NPC1L1: variants seen among roughly 807,000 people sequenced by gnomAD.
The protein encoded by NPC1L1 is NPC1 like intracellular cholesterol transporter 1.
NPC1L1 carries 98 observed loss-of-function variants against 117.0 expected under a neutral mutation model. The ratio of observed to expected loss-of-function variants is 0.84; its 90% CI spans 0.71 to 0.99. The LOEUF (loss-of-function observed/expected upper bound fraction) is 0.99, where lower values mean the gene tolerates loss of function less well. Ranked by LOEUF, NPC1L1 falls within the 50% of genes least tolerant of loss-of-function variation. The pLI is 0.00. For missense variants in NPC1L1, 1,540 were observed against 1,710.0 expected (o/e 0.90, Z 1.75); for synonymous variants, 729 against 727.6 (o/e 1.00, Z -0.03).
At chr7:44,517,590 G>A (rs1345460318) in intron 14 of NPC1L1, among the ~76,000 whole-genome samples, 3 of 152,188 alleles carry the variant, frequency 2.0e-5, no homozygotes, top group Non-Finnish European at 1.5e-5. Context: ...ACCCAGGCCT[G>A]ACCTTTGATG....
At chr7:44,514,722 C>T (rs1200164245) in intron 18 of NPC1L1, among the ~76,000 whole-genome samples, 1 of 151,234 alleles carries the variant, frequency 6.6e-6, no homozygotes, top group Admixed American at 6.6e-5. Flanking sequence ...AATGATAGGG[C>T]TGGGCACAGT....
intron 18 of NPC1L1, 147 bp from the exon 19 acceptor site, chr7:44,513,796 GC>G (rs1180604143): frequency 2.2e-6 from 2 of 901,756 alleles, no homozygotes; most frequent in African/African-American, 3.3e-5. Context: ...TATGTTCACA[GC>G]CCAAGCTTCA....
At chr7:44,521,958 G>T in intron 11 of NPC1L1, 94 bp downstream of exon 11, 3 of 1,592,306 alleles carry the variant, frequency 1.9e-6, no homozygotes, top group East Asian at 2.2e-5. Context: ...AGGGCAGCAG[G>T]ACAGGGATAG....
chr7:44,534,953 G>A lies in NPC1L1; in HGVS notation c.1984-324C>T, dbSNP rs1473344847. On this transcript the variant is annotated intron_variant, in intron 5 of 18. Coordinates refer to ENST00000381160, the MANE Select transcript of NPC1L1 (RefSeq NM_001101648.2). This position sits in a 1 kb window ranked among gnomAD's most constrained non-coding sequence, Gnocchi z 5.2. The stretch of plus-strand genomic sequence containing the variant: ...GTAACAGACAGAAAACTGCTCTTAG[G>A]CCAGGTGTGCTGGCTCACACCTGTA... Among the ~76,000 whole-genome samples the A allele has an allele frequency of 6.6e-6, 1 of 152,174 alleles. No homozygotes were observed. Among genetic ancestry groups the A allele is most frequent in the East Asian group, 1.9e-4 (1 of 5,190 alleles).
intron 2 of NPC1L1, 132 bp from the exon 3 acceptor site, chr7:44,537,074 T>G: frequency 2.9e-6 from 2 of 690,974 alleles, no homozygotes; most frequent in Non-Finnish European, 4.9e-6. Flanking sequence ...GGACACTGGC[T>G]GCAGATAGCC....
chr7:44,532,763 T>A (rs1476162394), intron 8 of NPC1L1, among the ~76,000 whole-genome samples: 1 of 152,270 alleles, frequency 6.6e-6, no homozygotes, highest in Non-Finnish European at 1.5e-5. Flanking sequence ...ATTTATGTTA[T>A]CATTAAGGCT....
In NPC1L1 at chr7:44,530,950, G is replaced by A. The variant is rs548335524; in HGVS notation, c.2637+805C>T. On this transcript the variant is annotated intron_variant, in intron 10 of 18. Transcript: ENST00000381160. ...CTCAGGCCTGGCTGCTTCCACTGGG[G>A]CTCCTGCCAGTACCCAGACCCTTGC... Among the ~76,000 whole-genome samples, 304 of 152,288 alleles carry A rather than the reference G, an allele frequency of 2.0e-3. 1 individual carries two copies. The highest frequency in any genetic ancestry group is 6.2e-3 in the African/African-American group (259 of 41,546).
chr7:44,535,012 T>C (rs1801827779), intron 5 of NPC1L1, among the ~76,000 whole-genome samples: 1 of 152,022 alleles, frequency 6.6e-6, no homozygotes, highest in Non-Finnish European at 1.5e-5. Flanking sequence ...TGAGGAAGAA[T>C]CACTTGAGCC....
At position 44,522,154 on chromosome 7, in the gene NPC1L1, T is replaced by C. The variant is rs1002106455; in HGVS notation, c.2726A>G (p.Asn909Ser). 1.2e-6 allele frequency: 2 copies of C among 1,613,896 alleles called. No homozygotes were observed. The highest frequency in any genetic ancestry group is 1.3e-5 in the African/African-American group (1 of 74,968). ...ATTCATCCCAGCCTCGCTGGAGAAG[T>C]TGTAGCCCAAGGTGGTAACAAAGTA... ...PVYFVTTLGYNFSSEAGMNAI... is the reference protein window; with the variant it reads ...PVYFVTTLGYSFSSEAGMNAI... Residue 909 changes from asparagine (N) to serine (S), a missense_variant, in exon 11 of 19, where the codon AAC (asparagine) becomes AGC (serine). Asn to Ser is a conservative substitution (Grantham distance 46, BLOSUM62 1). Coordinates refer to ENST00000381160, the MANE Select transcript of NPC1L1 (RefSeq NM_001101648.2).
intron 14 of NPC1L1, among the ~76,000 whole-genome samples, chr7:44,518,991 TTCTCTCTCTTTCTC>T (rs1353801830): frequency 1.1e-4 from 16 of 151,798 alleles, no homozygotes; most frequent in East Asian, 7.8e-4. Context: ...TTCTTTCTCT[TTCTCTCTCTTTCTC>T]TCTCTCTCTT....
At position 44,540,333 on chromosome 7, in the gene NPC1L1, C is replaced by T. The variant is rs1258790529; in HGVS notation, c.64G>A (p.Glu22Lys). The T allele has an allele frequency of 6.2e-7, 1 of 1,612,454 alleles. No individual in the cohort carries two copies. Among genetic ancestry groups the T allele is most frequent in the Non-Finnish European group, 8.5e-7 (1 of 1,179,982 alleles). Reference sequence around the variant, plus strand: ...GGCTGGTGGATGGTTGTGTAAGGCTCACTCTGGGCCTGCAGAGCACAGCAA... The same window carrying T: ...GGCTGGTGGATGGTTGTGTAAGGCTTACTCTGGGCCTGCAGAGCACAGCAA... The part of the protein sequence containing the change: ...WALLLRLAQS[E>K]PYTTIHQPGY... Residue 22 changes from glutamate (E) to lysine (K), a missense_variant, in exon 2 of 19, where the codon GAG becomes AAG. Transcript: ENST00000381160.
chr7:44,535,964 G>A lies in NPC1L1; in HGVS notation c.1859C>T (p.Ser620Phe), dbSNP rs373091710. The A allele has an allele frequency of 3.3e-5, 54 of 1,612,934 alleles. No individual in the cohort carries two copies. In the African/African-American group the frequency reaches 4.7e-4, roughly 14 times the overall value. Reference protein sequence around the residue: ...MFQVTFMAERSLEDEINRTTA... With the variant: ...MFQVTFMAERFLEDEINRTTA... ...GGTGCGATTGATCTCGTCTTCCAGA[G>A]AGCGCTGTGGACACACACCCGACCA... Residue 620 changes from serine (S) to phenylalanine (F), a missense_variant, in exon 5 of 19, where the codon TCT (serine) becomes TTT (phenylalanine). Physicochemically the swap from Ser to Phe is radical, Grantham distance 155. Coordinates refer to ENST00000381160, the MANE Select transcript of NPC1L1 (RefSeq NM_001101648.2).
At position 44,536,515 on chromosome 7, in the gene NPC1L1, T is replaced by G; in HGVS notation, c.1682-87A>C. Reference sequence around the variant, plus strand: ...CACCCCTATATTCCCTCCCCCTATCTAGCTGCACCCCTCCCATCACCCCTT... The same window carrying G: ...CACCCCTATATTCCCTCCCCCTATCGAGCTGCACCCCTCCCATCACCCCTT... On this transcript the variant is annotated intron_variant, in intron 3 of 18. Transcript: ENST00000381160. This position sits in a 1 kb window ranked among gnomAD's most constrained non-coding sequence, Gnocchi z 4.7. 7.2e-7 allele frequency: 1 copy of G among 1,385,122 alleles called. No homozygotes were observed. The highest frequency in any genetic ancestry group is 1.0e-6 in the Non-Finnish European group (1 of 993,670). 85.8% of individuals were successfully genotyped at this position (1,385,122 alleles called of 1,614,324 possible).
chr7:44,526,364 C>T (rs540715489), intron 10 of NPC1L1, among the ~76,000 whole-genome samples: 270 of 151,742 alleles, frequency 1.8e-3, no homozygotes, highest in African/African-American at 6.3e-3. Flanking sequence ...GCTTGACTAA[C>T]ATGGTGAGAC....
chr7:44,517,342 G>A lies in NPC1L1; in HGVS notation c.3152C>T (p.Ala1051Val). ...TGAGTTTTTCAGGGGCTTGTGATAGGCCATGAACCTGGAGGCTGGACAGCC... is the reference window on the plus strand; with the variant it reads ...TGAGTTTTTCAGGGGCTTGTGATAGACCATGAACCTGGAGGCTGGACAGCC... ...DGQVLASRFM[A>V]YHKPLKNSQD... is the part of the protein sequence containing the mutation. Residue 1051 changes from alanine (A) to valine (V), a missense_variant, in exon 15 of 19, where the codon GCC (alanine) becomes GTC (valine). Around this residue, in one of 3 missense-constraint regions of NPC1L1, gnomAD observed 742 missense variants for 873.6 expected, o/e 0.85. Transcript: ENST00000381160. 4 of 1,612,712 alleles carry A rather than the reference G, an allele frequency of 2.5e-6. No individual in the cohort carries two copies. The East Asian group carries it at 6.7e-5, about 27-fold the overall frequency.
intron 10 of NPC1L1, among the ~76,000 whole-genome samples, chr7:44,523,055 T>G (rs1801408435): frequency 6.6e-6 from 1 of 152,028 alleles, no homozygotes. Flanking sequence ...AACTATTTTG[T>G]TTTTGTTTTG....
chr7:44,513,724 C>T (rs1801109044), intron 18 of NPC1L1, 75 bp from the exon 19 acceptor site: 2 of 1,527,658 alleles, frequency 1.3e-6, no homozygotes, highest in Non-Finnish European at 1.8e-6. Context: ...TGGTTCTGTA[C>T]AACAAACCCA....
intron 12 of NPC1L1, 118 bp downstream of exon 12, chr7:44,521,594 G>T: frequency 1.3e-6 from 2 of 1,521,918 alleles, no homozygotes; most frequent in Non-Finnish European, 1.8e-6. Flanking sequence ...CCATGCCCCC[G>T]ACAGACCCTG....
Position 44,539,626 on chromosome 7 carries a change from T to G in NPC1L1, c.771A>C (p.Gln257His). Residue 257 changes from glutamine to histidine, a missense_variant, in exon 2 of 19, where the codon CAA (glutamine) becomes CAC (histidine). Coordinates refer to ENST00000381160, the MANE Select transcript of NPC1L1 (RefSeq NM_001101648.2). The surrounding 1 kb of genome is among the most constrained non-coding windows in gnomAD (Gnocchi z 4.4). ...QGDDVATCSC[Q>H]DCAASCPAIA... ...TGGCAGGACAGGATGCAGCACAGTC[T>G]TGGCAGGAGCAGGTCGCCACGTCGT... The G allele has an allele frequency of 6.2e-7, 1 of 1,613,856 alleles. No homozygotes were observed. The highest frequency in any genetic ancestry group is 8.5e-7 in the Non-Finnish European group (1 of 1,180,024).
Sources: allele counts gnomAD v4.1 joint callset (sites outside exome capture counted in the v4.1 genomes callset), GRCh38; gene constraint gnomAD v4.1.1; regional missense constraint gnomAD v4.1.1; non-coding constraint Gnocchi (gnomAD v3.1); transcripts MANE v1.5; gene names NCBI Gene and HGNC (gene_info 2026-07-23, HGNC 2026-07-21).